GPHN: variants seen among roughly 807,000 people sequenced by gnomAD.
GPHN encodes the protein gephyrin.
GPHN carries 17 observed loss-of-function variants against 95.5 expected under a neutral mutation model. The ratio of observed to expected loss-of-function variants is 0.18; its 90% CI spans 0.12 to 0.27. The LOEUF is 0.27. Among genes scored for constraint, GPHN ranks in the 10% least tolerant of loss-of-function variants. GPHN has a pLI of 1.00. For missense variants in GPHN, 660 were observed against 978.1 expected, an observed-to-expected ratio of 0.67 and a Z score of 4.34; for synonymous variants, 320 against 322.5, an observed-to-expected ratio of 0.99 and a Z score of 0.08.
chr14:66,588,498 T>A lies in GPHN; in HGVS notation c.64+79907T>A, dbSNP rs146780142. Among the ~76,000 whole-genome samples, 17 of 151,830 alleles carry A rather than the reference T, an allele frequency of 1.1e-4. 1 individual carries two copies. The South Asian group carries it at 3.6e-3, about 32-fold the overall frequency. ...AGAAGCTAAGAACCTTGAAAAAAAG[T>A]TAGATGAATTGCTAACTAGAGTAAC... On this transcript the variant is annotated intron_variant, in intron 1 of 22. Coordinates refer to ENST00000478722, the MANE Select transcript of GPHN (RefSeq NM_020806.5).
intron 8 of GPHN, among the ~76,000 whole-genome samples, chr14:66,959,102 T>A (rs2068726959): frequency 6.6e-6 from 1 of 152,142 alleles, no homozygotes; most frequent in African/African-American, 2.4e-5. Context: ...ACTTCATACC[T>A]TGTCCACTAC....
At chr14:67,421,507 C>G in the GPHN span, among the ~76,000 whole-genome samples, 282 of 152,266 alleles carry the variant, frequency 1.9e-3, no homozygotes, top group African/African-American at 6.2e-3. Flanking sequence ...CAGGCCAGGG[C>G]TCCTCCTTCT....
At chr14:67,325,412 C>G in the GPHN span, among the ~76,000 whole-genome samples, 1 of 152,242 alleles carries the variant, frequency 6.6e-6, no homozygotes, top group Non-Finnish European at 1.5e-5. Context: ...TAAAGTAGTG[C>G]TGCACCCCTT....
chr14:66,650,964 G>A (rs2065012860), intron 1 of GPHN, among the ~76,000 whole-genome samples: 1 of 152,106 alleles, frequency 6.6e-6, no homozygotes, highest in African/African-American at 2.4e-5. Flanking sequence ...CATTTTACAG[G>A]ATGTGATTAA....
At chr14:67,693,155 T>C in the GPHN span, 2 of 701,736 alleles carry the variant, frequency 2.9e-6, no homozygotes, top group Non-Finnish European at 4.8e-6. Flanking sequence ...GCTTTAGTTC[T>C]TTCCACTGTT....
chr14:66,585,499 C>A (rs908904881), intron 1 of GPHN, among the ~76,000 whole-genome samples: 7 of 152,130 alleles, frequency 4.6e-5, no homozygotes, highest in African/African-American at 7.2e-5. Flanking sequence ...AATTTTAGAT[C>A]TTTCCTGCTT....
At chr14:67,419,192 G>T in the GPHN span, among the ~76,000 whole-genome samples, 77 of 152,280 alleles carry the variant, frequency 5.1e-4, 1 homozygote, top group African/African-American at 1.8e-3. Flanking sequence ...CTGGAGGCTA[G>T]GCTTTTGGTT....
intron 16 of GPHN, among the ~76,000 whole-genome samples, chr14:67,121,634 C>T (rs1173213619): frequency 6.6e-6 from 1 of 152,062 alleles, no homozygotes; most frequent in Non-Finnish European, 1.5e-5. Flanking sequence ...TAATTTTCTT[C>T]GTAGACATAG....
chr14:67,312,777 GA>G, the GPHN span: 11 of 1,237,468 alleles, frequency 8.9e-6, no homozygotes, highest in Admixed American at 6.6e-5. Flanking sequence ...CCTTCACAAA[GA>G]AAAACTCACT....
chr14:66,704,048 A>C (rs879914841), intron 2 of GPHN, among the ~76,000 whole-genome samples: 4 of 152,172 alleles, frequency 2.6e-5, no homozygotes, highest in Non-Finnish European at 5.9e-5. Context: ...AGTTTAAACC[A>C]ACAAAGATCA....
At chr14:67,583,850 G>A in the GPHN span, 82 of 1,613,214 alleles carry the variant, frequency 5.1e-5, no homozygotes, top group Admixed American at 7.3e-4. Context: ...CACCCCAGGC[G>A]CTATAGACAT....
the GPHN span, among the ~76,000 whole-genome samples, chr14:67,345,503 C>T: frequency 2.0e-5 from 3 of 150,416 alleles, no homozygotes; most frequent in Admixed American, 1.3e-4. Context: ...TGCAGTGAGC[C>T]GAGGTCGCGC....
intron 10 of GPHN, among the ~76,000 whole-genome samples, chr14:67,035,895 A>C (rs533796762): frequency 6.6e-6 from 1 of 152,004 alleles, no homozygotes; most frequent in South Asian, 2.1e-4. Context: ...GAATACTTCC[A>C]AAATAAATTT....
intron 18 of GPHN, among the ~76,000 whole-genome samples, chr14:67,144,273 A>T (rs2080751080): frequency 8.3e-6 from 1 of 120,304 alleles, no homozygotes; most frequent in South Asian, 2.6e-4. Context: ...ATATATATAT[A>T]TATATATATA....
chr14:66,672,372 G>A (rs1426896929), intron 1 of GPHN, among the ~76,000 whole-genome samples: 5 of 152,142 alleles, frequency 3.3e-5, no homozygotes, highest in Non-Finnish European at 7.4e-5. Flanking sequence ...TGAGAAGAGT[G>A]TCTATTCTGC....
intron 2 of GPHN, among the ~76,000 whole-genome samples, chr14:66,694,060 G>C (rs1038862129): frequency 6.6e-6 from 1 of 152,136 alleles, no homozygotes; most frequent in Admixed American, 6.5e-5. Context: ...TATAGTTGCT[G>C]TGGTCTGAAT....
intron 2 of GPHN, among the ~76,000 whole-genome samples, chr14:66,704,333 A>T (rs543046743): frequency 1.1e-4 from 16 of 152,248 alleles, no homozygotes; most frequent in African/African-American, 3.4e-4. Context: ...CATCTACAGA[A>T]TTCTCCACCC....
At chr14:67,324,425 G>GT in the GPHN span, among the ~76,000 whole-genome samples, 8 of 151,622 alleles carry the variant, frequency 5.3e-5, no homozygotes, top group East Asian at 7.7e-4. Flanking sequence ...GTTCTTCCTT[G>GT]TTTTTTTTGC....
chr14:66,772,703 A>C (rs1173402867), intron 2 of GPHN, among the ~76,000 whole-genome samples: 1 of 152,244 alleles, frequency 6.6e-6, no homozygotes, highest in African/African-American at 2.4e-5. Context: ...CTTTAAAATA[A>C]TGAAATTTAT....
Sources: gnomAD v4.1 joint callset for allele counts (sites outside exome capture counted in the v4.1 genomes callset) on GRCh38, gnomAD v4.1.1 for gene constraint, MANE v1.5 for transcripts, NCBI Gene and HGNC (gene_info 2026-07-23, HGNC 2026-07-21) for gene names.